TBC1D5: variants seen among roughly 807,000 people sequenced by gnomAD.
TBC1D5 encodes the protein TBC1 domain family, member 5.
TBC1D5 carries 75 observed loss-of-function variants against 100.3 expected under a neutral mutation model. That is an observed-to-expected ratio of 0.75 (90% CI 0.62 to 0.91). The LOEUF (loss-of-function observed/expected upper bound fraction) is 0.91, where lower values mean the gene tolerates loss of function less well. Among genes scored for constraint, TBC1D5 ranks in the 40% least tolerant of loss-of-function variants. The pLI is 0.00. For synonymous variants in TBC1D5, 323 were observed against 325.6 expected (o/e 0.99, Z 0.09); for missense variants, 910 against 942.4 (o/e 0.97, Z 0.45).
intron 2 of TBC1D5, among the ~76,000 whole-genome samples, chr3:17,557,545 G>A (rs2096530193): frequency 6.6e-6 from 1 of 151,916 alleles, no homozygotes; most frequent in Admixed American, 6.6e-5. Flanking sequence ...TGTTTGTTTT[G>A]TTGTTGTTGT....
chr3:17,395,232 A>AAG (rs1402951390), intron 8 of TBC1D5, among the ~76,000 whole-genome samples: 2 of 152,000 alleles, frequency 1.3e-5, no homozygotes, highest in East Asian at 3.9e-4. Context: ...GAGTCACTTA[A>AAG]CAAGCCCTTT....
At chr3:17,257,787 A>G (rs998968491) in intron 16 of TBC1D5, among the ~76,000 whole-genome samples, 3 of 152,222 alleles carry the variant, frequency 2.0e-5, no homozygotes, top group Non-Finnish European at 4.4e-5. Flanking sequence ...TCTACTGAAG[A>G]AAAGCTAACA....
chr3:17,195,372 T>G (rs754196054), intron 18 of TBC1D5, among the ~76,000 whole-genome samples: 3 of 152,212 alleles, frequency 2.0e-5, no homozygotes, highest in Non-Finnish European at 4.4e-5. Flanking sequence ...TAAGACCAAC[T>G]GATGAAACCA....
chr3:17,496,557 A>T (rs1053156373), intron 3 of TBC1D5, among the ~76,000 whole-genome samples: 5 of 152,192 alleles, frequency 3.3e-5, no homozygotes, highest in African/African-American at 1.2e-4. Flanking sequence ...AATGGACCAT[A>T]TAGAAAGAAC....
At chr3:17,738,174 G>A (rs1238429722) in intron 1 of TBC1D5, among the ~76,000 whole-genome samples, 2 of 152,132 alleles carry the variant, frequency 1.3e-5, no homozygotes, top group African/African-American at 4.8e-5. Context: ...AGGGATAAGA[G>A]CATTACTATA....
chr3:17,666,938 T>A (rs566007526), intron 1 of TBC1D5, among the ~76,000 whole-genome samples: 1 of 152,284 alleles, frequency 6.6e-6, no homozygotes, highest in East Asian at 1.9e-4. Context: ...CTCTAACAAC[T>A]GATTAGTCTG....
At chr3:17,718,709 T>A (rs1312976980) in intron 1 of TBC1D5, among the ~76,000 whole-genome samples, 1 of 152,222 alleles carries the variant, frequency 6.6e-6, no homozygotes, top group Non-Finnish European at 1.5e-5. Context: ...TTCAGAACTT[T>A]CATCATTCCA....
intron 7 of TBC1D5, 64 bp downstream of exon 7, chr3:17,404,630 C>A (rs542119078): frequency 2.1e-6 from 3 of 1,428,406 alleles, no homozygotes; most frequent in East Asian, 4.7e-5. Context: ...TGACTGGCAA[C>A]CAGTCATATA....
At chr3:17,588,966 T>C (rs1360192296) in intron 2 of TBC1D5, among the ~76,000 whole-genome samples, 3 of 152,220 alleles carry the variant, frequency 2.0e-5, no homozygotes, top group Non-Finnish European at 4.4e-5. Flanking sequence ...TTTTAAAGGT[T>C]TTATGCCTTA....
chr3:17,680,185 G>T (rs2069254953), intron 1 of TBC1D5, among the ~76,000 whole-genome samples: 1 of 150,232 alleles, frequency 6.7e-6, no homozygotes, highest in Admixed American at 6.6e-5. Flanking sequence ...CTGTACTGAG[G>T]ATGACTTAAA....
chr3:17,398,293 T>C (rs1450632703), intron 8 of TBC1D5, among the ~76,000 whole-genome samples: 2 of 152,042 alleles, frequency 1.3e-5, no homozygotes, highest in Non-Finnish European at 2.9e-5. Flanking sequence ...TTAATTGAAA[T>C]GATTGCAAAA....
At chr3:17,374,723 T>C (rs371769367) in intron 10 of TBC1D5, 44 bp from the exon 11 acceptor site, 48 of 1,591,314 alleles carry the variant, frequency 3.0e-5, no homozygotes, top group Admixed American at 1.6e-4. Context: ...AATTTTTGAA[T>C]AATTAAAGAG....
At position 17,565,470 on chromosome 3, in the gene TBC1D5, T is replaced by C. The variant is rs541355668; in HGVS notation, c.-35-56865A>G. Among the ~76,000 whole-genome samples the C allele has an allele frequency of 4.6e-5, 7 of 152,236 alleles. 1 individual carries two copies. The highest frequency in any genetic ancestry group is 4.1e-4 in the South Asian group (2 of 4,828). ...TCTTTGGAAAAGGTAAATATATACA[T>C]GGCTGGCTATTGAAATAAAAGTCTT... is the stretch of plus-strand genomic sequence containing the variant. On this transcript the variant is annotated intron_variant, in intron 2 of 21. Coordinates refer to ENST00000253692, the Ensembl canonical transcript of TBC1D5.
chr3:17,662,042 C>G (rs186464863), intron 1 of TBC1D5, among the ~76,000 whole-genome samples: 1 of 152,068 alleles, frequency 6.6e-6, no homozygotes, highest in Non-Finnish European at 1.5e-5. Flanking sequence ...AGCTATGCAC[C>G]ACATGTCCAG....
At chr3:17,159,617 C>T (rs2065871969) in exon 22 of TBC1D5, 1 of 152,288 alleles carries the variant, frequency 6.6e-6, no homozygotes, top group Non-Finnish European at 1.5e-5. Flanking sequence ...CAGGGATCTT[C>T]TTTAAGGAGA....
At chr3:17,406,356 G>A in intron 5 of TBC1D5, 62 bp downstream of exon 5, 1 of 1,419,344 alleles carries the variant, frequency 7.0e-7, no homozygotes, top group Non-Finnish European at 9.6e-7. Context: ...AATCTTCCAG[G>A]GCATCAGGTA....
At chr3:17,726,395 T>C (rs2076131929) in intron 1 of TBC1D5, among the ~76,000 whole-genome samples, 1 of 152,218 alleles carries the variant, frequency 6.6e-6, no homozygotes, top group South Asian at 2.1e-4. Flanking sequence ...TTTTTAGTAA[T>C]AGCCATTGCT....
At chr3:17,203,097 C>A (rs912031523) in intron 18 of TBC1D5, among the ~76,000 whole-genome samples, 4 of 152,218 alleles carry the variant, frequency 2.6e-5, no homozygotes, top group Admixed American at 2.6e-4. Context: ...GCTGAGGGGG[C>A]TGTACCCTGC....
intron 2 of TBC1D5, among the ~76,000 whole-genome samples, chr3:17,572,065 T>C (rs964765700): frequency 6.6e-6 from 1 of 151,980 alleles, no homozygotes; most frequent in African/African-American, 2.4e-5. Context: ...AAAACAGCAT[T>C]GCAGTCTGAG....
Sources: gnomAD v4.1 joint callset for allele counts (sites outside exome capture counted in the v4.1 genomes callset) on GRCh38, gnomAD v4.1.1 for gene constraint, MANE v1.5 for transcripts, NCBI Gene and HGNC (gene_info 2026-07-23, HGNC 2026-07-21) for gene names.